The following POLA1 variants were observed in gnomAD, a reference collection of about 807,000 sequenced individuals.
POLA1 encodes DNA polymerase alpha catalytic subunit.
Under a neutral mutation model 124.0 loss-of-function variants are expected in POLA1, and 15 were observed. That is an observed-to-expected ratio of 0.12 (90% CI 0.08 to 0.19). The LOEUF is 0.19. Ranked by LOEUF, POLA1 falls within the 10% of genes least tolerant of loss-of-function variation. The pLI, the probability that POLA1 is intolerant of heterozygous loss-of-function variation, is 1.00. For missense variants in POLA1, 886 were observed against 1,103.4 expected, an observed-to-expected ratio of 0.80 and a Z score of 2.79; for synonymous variants, 408 against 389.4, an observed-to-expected ratio of 1.05 and a Z score of -0.56.
chrX:24,837,376 T>C (rs2046354642), intron 32 of POLA1, among the ~76,000 whole-genome samples: 2 of 111,908 alleles, frequency 1.8e-5, no homozygotes, highest in African/African-American at 6.5e-5. Flanking sequence ...GCAACTTCTT[T>C]CACTTAGCAT....
chrX:24,916,622 T>C (rs996013084), intron 35 of POLA1, among the ~76,000 whole-genome samples: 4 of 111,448 alleles, frequency 3.6e-5, no homozygotes, highest in African/African-American at 6.5e-5. Flanking sequence ...ATCAATGGGA[T>C]GTATTATCAA....
chrX:24,948,955 TATC>T (rs1205831562), intron 36 of POLA1, among the ~76,000 whole-genome samples: 1 of 112,239 alleles, frequency 8.9e-6, no homozygotes, highest in Non-Finnish European at 1.9e-5. Context: ...GAAGGAATAA[TATC>T]ATTTTCTTGC....
At chrX:24,827,325 T>C (rs1262965330) in intron 32 of POLA1, among the ~76,000 whole-genome samples, 1 of 112,412 alleles carries the variant, frequency 8.9e-6, no homozygotes, top group Non-Finnish European at 1.9e-5. Context: ...AGAGTTACAT[T>C]GCTTTTAAGG....
At chrX:24,888,699 C>T (rs1364716440) in intron 35 of POLA1, among the ~76,000 whole-genome samples, 12 of 103,779 alleles carry the variant, frequency 1.2e-4, no homozygotes, top group Admixed American at 7.2e-4. Context: ...CTCAGCCTAC[C>T]GAGTAGCTTG....
chrX:24,843,504 G>T, intron 33 of POLA1, 42 bp from the exon 34 acceptor site: 1 of 1,073,113 alleles, frequency 9.3e-7, no homozygotes, highest in East Asian at 3.2e-5. Flanking sequence ...CCCTTTTATA[G>T]CCTCACAGTA....
At chrX:24,863,838 C>T (rs1162000165) in intron 34 of POLA1, among the ~76,000 whole-genome samples, 1 of 111,284 alleles carries the variant, frequency 9.0e-6, no homozygotes, top group Non-Finnish European at 1.9e-5. Flanking sequence ...TTCTAGGCCT[C>T]ACTTCTTACT....
intron 36 of POLA1, among the ~76,000 whole-genome samples, chrX:24,974,118 TG>T (rs971705715): frequency 2.7e-5 from 3 of 109,849 alleles, no homozygotes; most frequent in African/African-American, 1.0e-4. Context: ...ATGGGAAAAA[TG>T]AGCCTTTCTA....
At chrX:24,774,329 CCT>C (rs1207990184) in intron 26 of POLA1, among the ~76,000 whole-genome samples, 1 of 111,251 alleles carries the variant, frequency 9.0e-6, no homozygotes, top group Non-Finnish European at 1.9e-5. Flanking sequence ...AGCAGCAATG[CCT>C]AGAGGATGAG....
intron 36 of POLA1, among the ~76,000 whole-genome samples, chrX:24,957,443 A>G (rs2048118753): frequency 9.0e-6 from 1 of 110,940 alleles, no homozygotes; most frequent in Non-Finnish European, 1.9e-5. Flanking sequence ...TGCAAACATA[A>G]GACCCAGCAA....
At chrX:24,900,865 T>C (rs1156946820) in intron 35 of POLA1, among the ~76,000 whole-genome samples, 1 of 111,882 alleles carries the variant, frequency 8.9e-6, no homozygotes, top group Non-Finnish European at 1.9e-5. Context: ...ATCTTTCTTA[T>C]ATCCTTGATA....
intron 26 of POLA1, among the ~76,000 whole-genome samples, chrX:24,793,827 C>T (rs761905650): frequency 1.0e-4 from 11 of 110,397 alleles, no homozygotes; most frequent in Non-Finnish European, 1.7e-4. Flanking sequence ...TCAGGTGATC[C>T]GCCCGCGCCA....
intron 36 of POLA1, among the ~76,000 whole-genome samples, chrX:24,966,133 G>A (rs777495523): frequency 1.1e-3 from 128 of 112,231 alleles, no homozygotes; most frequent in African/African-American, 4.1e-3. Context: ...TGAAAAACTA[G>A]CAACTCTGCC....
chrX:24,948,238 C>T (rs1003347949), intron 36 of POLA1, among the ~76,000 whole-genome samples: 10 of 111,626 alleles, frequency 9.0e-5, no homozygotes, highest in South Asian at 3.7e-4. Flanking sequence ...TGTTTTATAG[C>T]GTTGATAACA....
chrX:24,930,576 T>TA (rs781448310), intron 36 of POLA1, 27 bp downstream of exon 36: 3 of 960,368 alleles, frequency 3.1e-6, no homozygotes, highest in Non-Finnish European at 3.0e-6. Context: ...TAATTACCTT[T>TA]GAGTTTAAAG....
chrX:24,801,458 A>G (rs191707104), intron 26 of POLA1, among the ~76,000 whole-genome samples: 93 of 111,762 alleles, frequency 8.3e-4, no homozygotes, highest in African/African-American at 2.8e-3. Context: ...AATGCCCATG[A>G]TATGATCTCT....
chrX:24,841,991 G>T, intron 33 of POLA1, 161 bp downstream of exon 33: 2 of 391,204 alleles, frequency 5.1e-6, no homozygotes, highest in Non-Finnish European at 8.6e-6. Flanking sequence ...TTCACAGCTT[G>T]CTTTTATTTC....
intron 1 of POLA1, among the ~76,000 whole-genome samples, chrX:24,697,430 C>A (rs1189324497): frequency 8.9e-6 from 1 of 111,766 alleles, no homozygotes; most frequent in African/African-American, 3.3e-5. Context: ...TGAGTGACAT[C>A]CAAGTTTTTG....
intron 34 of POLA1, among the ~76,000 whole-genome samples, chrX:24,872,440 A>G (rs2046878347): frequency 8.9e-6 from 1 of 111,934 alleles, no homozygotes; most frequent in Non-Finnish European, 1.9e-5. Context: ...AGACTTGGGT[A>G]AATGGCAAAG....
intron 26 of POLA1, among the ~76,000 whole-genome samples, chrX:24,759,843 C>T (rs192948256): frequency 4.5e-5 from 5 of 112,174 alleles, no homozygotes; most frequent in East Asian, 5.6e-4. Context: ...TCTTCCCCAC[C>T]CCTCACCAGA....
Sources: gnomAD v4.1 joint callset for allele counts (sites outside exome capture counted in the v4.1 genomes callset) on GRCh38, gnomAD v4.1.1 for gene constraint, MANE v1.5 for transcripts, NCBI Gene and HGNC (gene_info 2026-07-23, HGNC 2026-07-21) for gene names.